Variants in GALNT1 observed in about 807,000 individuals in gnomAD.
The protein encoded by GALNT1 is polypeptide N-acetylgalactosaminyltransferase 1, also known as GalNAc transferase 1.
Under a neutral mutation model 65.7 loss-of-function variants are expected in GALNT1, and 17 were observed. That is an observed-to-expected ratio of 0.26 (90% confidence interval 0.18 to 0.39). The LOEUF is 0.39. Ranked by LOEUF, GALNT1 falls within the 10% of genes least tolerant of loss-of-function variation. The probability of loss-of-function intolerance (pLI) is 1.00; values close to 1 mark genes in which losing one functional copy is unlikely to be tolerated. For missense variants in GALNT1, 460 were observed against 672.8 expected (o/e 0.68, Z 3.50); for synonymous variants, 210 against 219.7 (o/e 0.96, Z 0.39).
intron 1 of GALNT1, among the ~76,000 whole-genome samples, chr18:35,608,856 G>A (rs111300480): frequency 2.0e-5 from 3 of 152,236 alleles, no homozygotes; most frequent in African/African-American, 4.8e-5. Flanking sequence ...TTCAAGACAC[G>A]GGAAATAACT....
At chr18:35,670,032 G>A (rs1259742218) in intron 3 of GALNT1, among the ~76,000 whole-genome samples, 1 of 152,200 alleles carries the variant, frequency 6.6e-6, no homozygotes, top group Non-Finnish European at 1.5e-5. Context: ...ACTCACACCT[G>A]TAACCCTAGC....
intron 1 of GALNT1, among the ~76,000 whole-genome samples, chr18:35,600,120 T>C (rs1293966564): frequency 6.6e-6 from 1 of 152,206 alleles, no homozygotes; most frequent in African/African-American, 2.4e-5. Context: ...AGGATGGACA[T>C]TTTCACAATA....
chr18:35,657,929 A>T (rs909858798), intron 2 of GALNT1, among the ~76,000 whole-genome samples: 2 of 152,204 alleles, frequency 1.3e-5, no homozygotes, highest in Non-Finnish European at 1.5e-5. Flanking sequence ...GAAGAGGTTT[A>T]AACTATAGGG....
At chr18:35,652,817 C>G (rs879405265) in intron 1 of GALNT1, among the ~76,000 whole-genome samples, 1 of 152,114 alleles carries the variant, frequency 6.6e-6, no homozygotes, top group Admixed American at 6.5e-5. Flanking sequence ...TGCACCCTTG[C>G]GAAACTTAAG....
intron 4 of GALNT1, among the ~76,000 whole-genome samples, chr18:35,680,827 G>A (rs536623875): frequency 6.6e-6 from 1 of 152,198 alleles, no homozygotes; most frequent in South Asian, 2.1e-4. Flanking sequence ...ACTTCTGATT[G>A]CTTCTGGTGC....
chr18:35,597,977 C>G (rs1295835258), intron 1 of GALNT1, among the ~76,000 whole-genome samples: 1 of 139,952 alleles, frequency 7.1e-6, no homozygotes, highest in Non-Finnish European at 1.6e-5. Context: ...TGAGCAATAG[C>G]TTTTCATCTA....
At chr18:35,607,728 A>G (rs522964) in intron 1 of GALNT1, among the ~76,000 whole-genome samples, 70,740 of 151,998 alleles carry the variant, frequency 0.47, 16,729 homozygotes, top group Middle Eastern at 0.6. Flanking sequence ...CACGCAGTAG[A>G]ATGGAGGAAG....
At chr18:35,624,534 C>G (rs933752755) in intron 1 of GALNT1, among the ~76,000 whole-genome samples, 1 of 151,962 alleles carries the variant, frequency 6.6e-6, no homozygotes, top group African/African-American at 2.4e-5. Flanking sequence ...TATATTTAGT[C>G]ATTTTGTCTT....
chr18:35,677,225 G>A (rs1403562296), intron 3 of GALNT1, among the ~76,000 whole-genome samples: 5 of 152,136 alleles, frequency 3.3e-5, no homozygotes, highest in East Asian at 1.9e-4. Context: ...ATTAAACTAC[G>A]TAAACTCCAG....
chr18:35,597,329 AC>A (rs1223187643), intron 1 of GALNT1: 4 of 152,188 alleles, frequency 2.6e-5, no homozygotes, highest in Admixed American at 2.0e-4. Flanking sequence ...TTACATTCTC[AC>A]TGGGATTATA....
chr18:35,625,567 A>G (rs1462432341), intron 1 of GALNT1, among the ~76,000 whole-genome samples: 4 of 152,216 alleles, frequency 2.6e-5, no homozygotes, highest in African/African-American at 7.2e-5. Flanking sequence ...AGAGAAAAAG[A>G]CTTCTTGTGC....
At position 35,625,504 on chromosome 18, in the gene GALNT1, C is replaced by T. The variant is rs1044666304; in HGVS notation, c.-103-29056C>T. ...ACTTGTGTTGCTAGGTAGGACATTA[C>T]AGTTACTTGATTAACAGATGGTTTC... On this transcript the variant is annotated intron_variant, in intron 1 of 11. Coordinates refer to ENST00000269195, the MANE Select transcript of GALNT1 (RefSeq NM_020474.4). Among the ~76,000 whole-genome samples the T allele has an allele frequency of 5.3e-4, 80 of 152,308 alleles. 1 individual carries two copies. Among genetic ancestry groups the T allele is most frequent in the Admixed American group, 5.1e-3 (78 of 15,294 alleles).
intron 11 of GALNT1, among the ~76,000 whole-genome samples, chr18:35,705,760 G>A (rs2144761577): frequency 6.6e-6 from 1 of 152,322 alleles, no homozygotes; most frequent in Admixed American, 6.5e-5. Flanking sequence ...AAAACAAATA[G>A]GGATTTATTT....
At chr18:35,703,481 GT>G (rs1465660869) in intron 10 of GALNT1, 27 bp from the exon 11 acceptor site, 2 of 1,603,674 alleles carry the variant, frequency 1.2e-6, no homozygotes, top group Admixed American at 1.7e-5. Context: ...TATTTTTTCT[GT>G]TTATGTGTGT....
intron 1 of GALNT1, among the ~76,000 whole-genome samples, chr18:35,649,711 G>C (rs1007071774): frequency 2.6e-4 from 40 of 152,100 alleles, no homozygotes; most frequent in African/African-American, 9.7e-4. Flanking sequence ...TTTTATTCCA[G>C]ATCTAGTTCA....
Position 35,690,076 on chromosome 18 carries a change from A to C in GALNT1, c.978+786A>C, listed in dbSNP as rs114451804. 6.1e-3 allele frequency among the ~76,000 whole-genome samples: 936 copies of C among 152,236 alleles called. 10 individuals carry two copies. The highest frequency in any genetic ancestry group is 0.021 in the African/African-American group (864 of 41,574). On this transcript the variant is annotated intron_variant, in intron 7 of 11. Coordinates refer to ENST00000269195, the MANE Select transcript of GALNT1 (RefSeq NM_020474.4). ...AACACTGAATATTTAACAAAATCAG[A>C]ACTTTCCAAAATGTTATTTTAATTA...
At chr18:35,694,535 T>C (rs2048022558) in intron 9 of GALNT1, among the ~76,000 whole-genome samples, 1 of 152,170 alleles carries the variant, frequency 6.6e-6, no homozygotes, top group Non-Finnish European at 1.5e-5. Context: ...CAAAAAATGC[T>C]CAAAAAAGAG....
intron 1 of GALNT1, among the ~76,000 whole-genome samples, chr18:35,631,409 A>G (rs556635029): frequency 2.6e-5 from 4 of 152,330 alleles, no homozygotes. Context: ...AACATACGCA[A>G]ATCAATAAAT....
At chr18:35,654,336 A>G (rs2047350020) in intron 1 of GALNT1, among the ~76,000 whole-genome samples, 1 of 152,010 alleles carries the variant, frequency 6.6e-6, no homozygotes. Context: ...ATTGTTGTAT[A>G]TTGATTTGTA....
Sources: gnomAD v4.1 joint callset for allele counts (sites outside exome capture counted in the v4.1 genomes callset) on GRCh38, gnomAD v4.1.1 for gene constraint, MANE v1.5 for transcripts, NCBI Gene and HGNC (gene_info 2026-07-23, HGNC 2026-07-21) for gene names.